TBC1D10C: variants seen among roughly 807,000 people sequenced by gnomAD.
The protein encoded by TBC1D10C is TBC1 domain family member 10C, also known as carabin.
In TBC1D10C, 49 loss-of-function variants were observed where a neutral mutation model predicts 51.0. The observed-to-expected ratio is 0.96, with a 90% confidence interval of 0.76 to 1.22. The LOEUF (loss-of-function observed/expected upper bound fraction) is 1.22, where lower values mean the gene tolerates loss of function less well. Among genes scored for constraint, TBC1D10C ranks in the 50% most tolerant of loss-of-function variants. The pLI is 0.00. For missense variants in TBC1D10C, 541 were observed against 617.5 expected, an observed-to-expected ratio of 0.88 and a Z score of 1.31; for synonymous variants, 281 against 266.7, an observed-to-expected ratio of 1.05 and a Z score of -0.52.
At chr11:67,406,746 G>C in intron 6 of TBC1D10C, 54 bp downstream of exon 6, 1 of 1,596,384 alleles carries the variant, frequency 6.3e-7, no homozygotes, top group East Asian at 2.3e-5. Flanking sequence ...CCGGTGAGTG[G>C]GTGGGGGTCT....
chr11:67,408,861 T>C, intron 7 of TBC1D10C, 118 bp from the exon 8 acceptor site: 1 of 1,337,750 alleles, frequency 7.5e-7, no homozygotes, highest in Non-Finnish European at 9.8e-7. Context: ...TCATTGTTCC[T>C]GAACCGGGGA....
intron 7 of TBC1D10C, chr11:67,408,300 C>T (rs1394541684): frequency 6.6e-6 from 1 of 152,318 alleles, no homozygotes; most frequent in Non-Finnish European, 1.5e-5. Context: ...TGGAAAGGCC[C>T]TTAAAGGGCT....
chr11:67,405,287 C>T, intron 2 of TBC1D10C, 103 bp downstream of exon 2: 1 of 1,490,682 alleles, frequency 6.7e-7, no homozygotes, highest in Non-Finnish European at 9.1e-7. Flanking sequence ...GCACCTCCGG[C>T]CTTTGCTCCC....
In TBC1D10C at chr11:67,404,191, G is replaced by T. The variant is rs1478950812; in HGVS notation, c.-12G>T. 1 of 1,510,698 alleles carries T rather than the reference G, an allele frequency of 6.6e-7. No homozygotes were observed. Among genetic ancestry groups the T allele is most frequent in the South Asian group, 1.2e-5 (1 of 81,526 alleles). The allele number at this position is 1,510,698 out of a possible 1,614,324, so 93.6% of individuals were successfully genotyped here. A position where few individuals can be genotyped will look rare whatever the true frequency, so the allele number is the denominator to read the frequency against. ...ACTTTCTCTGCCTGTGGCATCGAAG[G>T]CCCCGGGCACCATGGCCCAGGCCCT... On this transcript the variant is annotated 5_prime_UTR_variant, in exon 1 of 9. Transcript: ENST00000542590.
intron 7 of TBC1D10C, 144 bp downstream of exon 7, chr11:67,407,160 CA>C: frequency 1.1e-6 from 1 of 927,444 alleles, no homozygotes; most frequent in Non-Finnish European, 1.6e-6. Context: ...GGCGCTACAT[CA>C]CCCATCACCC....
chr11:67,409,518 G>T lies in TBC1D10C; in HGVS notation c.1105G>T (p.Ala369Ser). 1 of 1,548,416 alleles carries T rather than the reference G, an allele frequency of 6.5e-7. No homozygotes were observed. Among genetic ancestry groups the T allele is most frequent in the Non-Finnish European group, 8.7e-7 (1 of 1,146,322 alleles). The change falls in exon 9 of 9, where the codon GCC becomes TCC. Residue 369 changes from alanine to serine, a missense_variant. By Grantham distance (99) the Ala-to-Ser change is moderately conservative. Transcript: ENST00000542590. ...CCCGCCCCGGCCACAGGTCCGCCTC[G>T]CCGGGGCCCAAGCCATCTTTGAGGC... is the stretch of plus-strand genomic sequence containing the variant. The part of the protein sequence containing the change: ...GPPPRPQVRL[A>S]GAQAIFEAQQ...
chr11:67,404,979 T>A, intron 1 of TBC1D10C, 106 bp from the exon 2 acceptor site: 1 of 1,014,762 alleles, frequency 9.9e-7, no homozygotes, highest in Non-Finnish European at 1.4e-6. Flanking sequence ...CTCCCAGAGA[T>A]CCCTAGGGCC....
chr11:67,407,878 G>A (rs35121740), intron 7 of TBC1D10C: 12,653 of 152,364 alleles, frequency 0.083, 647 homozygotes, highest in African/African-American at 0.15. Flanking sequence ...GTGCTCAGCC[G>A]GCTTCCTGCC....
intron 7 of TBC1D10C, 96 bp from the exon 8 acceptor site, chr11:67,408,883 C>A: frequency 1.4e-6 from 2 of 1,424,256 alleles, no homozygotes; most frequent in Non-Finnish European, 1.9e-6. Flanking sequence ...GGCAGAGCTG[C>A]AGGAGAGTGG....
At position 67,405,206 on chromosome 11, in the gene TBC1D10C, C is replaced by T. The variant is rs563222119; in HGVS notation, c.252+22C>T. On this transcript the variant is annotated intron_variant, in intron 2 of 8. Transcript: ENST00000542590. ...GAAGGTGAGGGGGGCAGGGGCCCCA[C>T]TTGGCTTCCATGGCTCATTCCTCTC... 24 of 1,547,746 alleles carry T rather than the reference C, an allele frequency of 1.6e-5. No homozygotes were observed. The South Asian group carries it at 1.9e-4, about 12-fold the overall frequency.
intron 7 of TBC1D10C, 187 bp downstream of exon 7, chr11:67,407,203 G>T: frequency 1.4e-6 from 1 of 705,302 alleles, no homozygotes; most frequent in Non-Finnish European, 2.3e-6. Flanking sequence ...GCAGAGCTGG[G>T]CCAGGGAGGC....
Position 67,409,051 on chromosome 11 carries a change from C to T in TBC1D10C, c.911C>T (p.Ala304Val), listed in dbSNP as rs1446617655. The change falls in exon 8 of 9, where the codon GCC becomes GTC. Residue 304 changes from alanine (A) to valine (V), a missense_variant. By Grantham distance (64) the Ala-to-Val change is moderately conservative (BLOSUM62 0). Coordinates refer to ENST00000542590, the MANE Select transcript of TBC1D10C (RefSeq NM_001369496.1). ...LALGTAEQRG[A>V]CPGLLETLGA... is the part of the protein sequence containing the mutation. Reference sequence around the variant, plus strand: ...CTGGGCACTGCAGAGCAGCGAGGGGCCTGCCCTGGCCTCCTGGAGACACTG... The same window carrying T: ...CTGGGCACTGCAGAGCAGCGAGGGGTCTGCCCTGGCCTCCTGGAGACACTG... 5 of 1,594,856 alleles carry T rather than the reference C, an allele frequency of 3.1e-6. No individual in the cohort carries two copies. The highest frequency in any genetic ancestry group is 1.7e-5 in the Admixed American group (1 of 57,600).
chr11:67,409,267 G>C (rs1224567456), intron 8 of TBC1D10C, 134 bp downstream of exon 8: 3 of 1,396,150 alleles, frequency 2.1e-6, no homozygotes, highest in Non-Finnish European at 1.9e-6. Context: ...ACAAAAACCT[G>C]AGGCCTCCAG....
At chr11:67,404,478 C>A in intron 1 of TBC1D10C, 124 bp downstream of exon 1, 1 of 1,048,308 alleles carries the variant, frequency 9.5e-7, no homozygotes, top group Non-Finnish European at 1.3e-6. Flanking sequence ...CAGCCAGTAG[C>A]ACCCCTCTGC....
At chr11:67,404,489 A>G in intron 1 of TBC1D10C, 135 bp downstream of exon 1, 11 of 939,024 alleles carry the variant, frequency 1.2e-5, no homozygotes, top group Non-Finnish European at 1.6e-5. Flanking sequence ...ACCCCTCTGC[A>G]GGTGCCAGGT....
At chr11:67,404,430 G>T (rs780597053) in intron 1 of TBC1D10C, 76 bp downstream of exon 1, 3 of 1,425,824 alleles carry the variant, frequency 2.1e-6, no homozygotes, top group Non-Finnish European at 2.8e-6. Flanking sequence ...CTGGAGGGAG[G>T]CCGGGAGGGT....
intron 5 of TBC1D10C, 77 bp downstream of exon 5, chr11:67,406,094 C>T (rs1863151760): frequency 8.2e-6 from 10 of 1,214,338 alleles, no homozygotes; most frequent in Admixed American, 2.9e-5. Context: ...ACTGTGGCCT[C>T]AGAAACCTGC....
chr11:67,404,064 G>A (rs981781116), upstream of TBC1D10C: 2 of 1,075,180 alleles, frequency 1.9e-6, no homozygotes, highest in South Asian at 2.0e-5. Context: ...CATAAAAGAG[G>A]AGACATAGGG....
Position 67,409,554 on chromosome 11 carries a change from G to C in TBC1D10C, c.1141G>C (p.Ala381Pro). ...AQAIFEAQQLAGVRRGAKPEV... is the reference protein window; with the variant it reads ...AQAIFEAQQLPGVRRGAKPEV... ...AGCCATCTTTGAGGCCCAGCAGCTGGCAGGAGTGCGACGAGGCGCCAAGCC... is the reference window on the plus strand; with the variant it reads ...AGCCATCTTTGAGGCCCAGCAGCTGCCAGGAGTGCGACGAGGCGCCAAGCC... Residue 381 changes from alanine to proline, a missense_variant, in exon 9 of 9, where the codon GCA (alanine) becomes CCA (proline). Physicochemically the swap from Ala to Pro is conservative, Grantham distance 27. Transcript: ENST00000542590. 2 of 1,548,800 alleles carry C rather than the reference G, an allele frequency of 1.3e-6. No homozygotes were observed. Among genetic ancestry groups the C allele is most frequent in the Non-Finnish European group, 1.7e-6 (2 of 1,146,660 alleles).
Sources: allele counts gnomAD v4.1 joint callset, GRCh38; gene constraint gnomAD v4.1.1; transcripts MANE v1.5; gene names NCBI Gene and HGNC (gene_info 2026-07-23, HGNC 2026-07-21).